TMEM232: variants seen among roughly 807,000 people sequenced by gnomAD.
TMEM232 encodes transmembrane protein 232.
In TMEM232, 80 loss-of-function variants were observed where a neutral mutation model predicts 78.8. That is an observed-to-expected ratio of 1.01 (90% confidence interval 0.85 to 1.22). The LOEUF is 1.22. Ranked by LOEUF, TMEM232 falls within the 50% of genes most tolerant of loss-of-function variation. TMEM232 has a pLI of 0.00. For synonymous variants in TMEM232, 297 were observed against 254.3 expected (o/e 1.17, Z -1.60); for missense variants, 881 against 742.2 (o/e 1.19, Z -2.17).
intron 12 of TMEM232, among the ~76,000 whole-genome samples, chr5:110,470,597 G>T (rs1228380235): frequency 6.6e-6 from 1 of 152,112 alleles, no homozygotes; most frequent in African/African-American, 2.4e-5. Flanking sequence ...CTAATAACTT[G>T]TGCTGCCACC....
intron 12 of TMEM232, among the ~76,000 whole-genome samples, chr5:110,440,758 A>G (rs781658448): frequency 1.3e-5 from 2 of 152,154 alleles, no homozygotes; most frequent in African/African-American, 2.4e-5. Flanking sequence ...CAACCTACGC[A>G]CTATCTTCTT....
intron 12 of TMEM232, among the ~76,000 whole-genome samples, chr5:110,469,380 T>TGCGGCCAAGCACCCC (rs1197100603): frequency 6.6e-6 from 1 of 152,176 alleles, no homozygotes; most frequent in African/African-American, 2.4e-5. Flanking sequence ...CCCTACCAAA[T>TGCGGCCAAGCACCCC]GCGGCCAAGC....
chr5:110,544,690 T>G (rs1303488521), intron 11 of TMEM232, among the ~76,000 whole-genome samples: 2 of 152,194 alleles, frequency 1.3e-5, no homozygotes, highest in East Asian at 3.9e-4. Context: ...AACTTGTTTT[T>G]GAAAATATTT....
At chr5:110,412,776 GT>G (rs1276930877) in intron 2 of TMEM232, among the ~76,000 whole-genome samples, 1 of 152,078 alleles carries the variant, frequency 6.6e-6, no homozygotes, top group Non-Finnish European at 1.5e-5. Flanking sequence ...ACTTATCCAA[GT>G]TGTTGAATTA....
At chr5:110,448,692 C>T (rs1360025235) in intron 12 of TMEM232, among the ~76,000 whole-genome samples, 1 of 151,898 alleles carries the variant, frequency 6.6e-6, no homozygotes, top group African/African-American at 2.4e-5. Flanking sequence ...TTCCCCCTCT[C>T]ACATGGAATG....
chr5:110,621,621 A>T (rs1783759864), intron 7 of TMEM232, among the ~76,000 whole-genome samples: 1 of 152,126 alleles, frequency 6.6e-6, no homozygotes, highest in Admixed American at 6.6e-5. Flanking sequence ...TTTACCACAG[A>T]TAGTTTGAAA....
chr5:110,639,489 TC>T (rs1786364971), intron 4 of TMEM232, among the ~76,000 whole-genome samples: 1 of 152,194 alleles, frequency 6.6e-6, no homozygotes, highest in Admixed American at 6.5e-5. Context: ...CACATTTCTT[TC>T]ATCTTCTAGT....
intron 1 of TMEM232, among the ~76,000 whole-genome samples, chr5:110,711,740 G>C (rs1561553266): frequency 1.3e-5 from 2 of 152,080 alleles, no homozygotes; most frequent in Non-Finnish European, 2.9e-5. Context: ...ATAAGCAAAA[G>C]AATGAAACAA....
intron 12 of TMEM232, among the ~76,000 whole-genome samples, chr5:110,458,284 T>G (rs1021647894): frequency 1.3e-5 from 2 of 152,098 alleles, no homozygotes; most frequent in African/African-American, 4.8e-5. Context: ...TTTTTTGTTT[T>G]TTTTTCAGGT....
chr5:110,435,654 C>T (rs1290903571), intron 12 of TMEM232, among the ~76,000 whole-genome samples: 1 of 151,816 alleles, frequency 6.6e-6, no homozygotes, highest in Non-Finnish European at 1.5e-5. Context: ...TCTTTATCTC[C>T]ATGGGTTCAA....
intron 1 of TMEM232, among the ~76,000 whole-genome samples, chr5:110,705,176 A>G (rs1270597620): frequency 6.6e-6 from 1 of 152,146 alleles, no homozygotes; most frequent in Non-Finnish European, 1.5e-5. Flanking sequence ...CACTCCTGCT[A>G]TAAATGCCCA....
chr5:110,652,294 G>GCACGCGCACACACACA (rs1554069162), intron 2 of TMEM232, among the ~76,000 whole-genome samples: 31 of 145,452 alleles, frequency 2.1e-4, no homozygotes, highest in African/African-American at 7.5e-4. Flanking sequence ...GCACGCGCGC[G>GCACGCGCACACACACA]CACACACACA....
At position 110,424,903 on chromosome 5, in the gene TMEM232, C is replaced by A; in HGVS notation, c.1717G>T (p.Val573Leu). 1.9e-6 allele frequency: 3 copies of A among 1,549,926 alleles called. No individual in the cohort carries two copies. The highest frequency in any genetic ancestry group is 2.6e-6 in the Non-Finnish European group (3 of 1,145,912). Reference protein sequence around the residue: ...LHFTVREHPSVSEIPMFPYPD... With the variant: ...LHFTVREHPSLSEIPMFPYPD... ...TATGGAAACATGGGAATTTCTGATA[C>A]AGAAGGATGTTCCCTTCAAAAGAGC... The change falls in exon 13 of 14, where the codon GTA becomes TTA. Residue 573 changes from valine to leucine, a missense_variant. Transcript: ENST00000455884.
At chr5:110,404,445 G>A (rs1755713156) in intron 2 of TMEM232, among the ~76,000 whole-genome samples, 1 of 151,994 alleles carries the variant, frequency 6.6e-6, no homozygotes, top group Admixed American at 6.6e-5. Flanking sequence ...CTATCTTGCT[G>A]TCTCCTTGGT....
intron 12 of TMEM232, among the ~76,000 whole-genome samples, chr5:110,516,598 T>C (rs1295378785): frequency 6.6e-6 from 1 of 152,236 alleles, no homozygotes; most frequent in East Asian, 1.9e-4. Flanking sequence ...GATTTTTTCA[T>C]ATTTTTAAAA....
chr5:110,671,241 T>C (rs927533674), intron 1 of TMEM232, among the ~76,000 whole-genome samples: 1 of 152,124 alleles, frequency 6.6e-6, no homozygotes, highest in South Asian at 2.1e-4. Flanking sequence ...TTAAAAAGTC[T>C]GGAAACAACA....
intron 12 of TMEM232, among the ~76,000 whole-genome samples, chr5:110,495,970 C>T (rs1401435836): frequency 6.6e-6 from 1 of 150,704 alleles, no homozygotes; most frequent in African/African-American, 2.5e-5. Context: ...GCATTTCATG[C>T]ACAGAGGCAT....
At chr5:110,448,556 T>C (rs975870536) in intron 12 of TMEM232, among the ~76,000 whole-genome samples, 3 of 152,046 alleles carry the variant, frequency 2.0e-5, no homozygotes, top group African/African-American at 4.8e-5. Context: ...AAAAACAGAA[T>C]GTTGCTTAAA....
At chr5:110,494,698 A>C (rs1765459377) in intron 12 of TMEM232, among the ~76,000 whole-genome samples, 1 of 152,084 alleles carries the variant, frequency 6.6e-6, no homozygotes, top group Non-Finnish European at 1.5e-5. Flanking sequence ...AGAAATCCTG[A>C]ATGTCCATTG....
Sources: gnomAD v4.1 joint callset for allele counts (sites outside exome capture counted in the v4.1 genomes callset) on GRCh38, gnomAD v4.1.1 for gene constraint, MANE v1.5 for transcripts, NCBI Gene and HGNC (gene_info 2026-07-23, HGNC 2026-07-21) for gene names.